NDUFAF7: variants seen among roughly 807,000 people sequenced by gnomAD.
The protein encoded by NDUFAF7 is protein arginine methyltransferase NDUFAF7, mitochondrial.
Under a neutral mutation model 47.2 loss-of-function variants are expected in NDUFAF7, and 48 were observed. The ratio of observed to expected loss-of-function variants is 1.02; its 90% confidence interval spans 0.81 to 1.29. The LOEUF (loss-of-function observed/expected upper bound fraction) is 1.29, where lower values mean the gene tolerates loss of function less well. Ranked by LOEUF, NDUFAF7 falls within the 50% of genes most tolerant of loss-of-function variation. NDUFAF7 has a pLI of 0.00. For missense variants in NDUFAF7, 635 were observed against 537.6 expected, an observed-to-expected ratio of 1.18 and a Z score of -1.79; for synonymous variants, 217 against 190.0, an observed-to-expected ratio of 1.14 and a Z score of -1.17.
chr2:37,246,055 G>T lies in NDUFAF7; in HGVS notation c.796G>T (p.Asp266Tyr). ...ATPAEAFIQH[D>Y]ETRDHVEVCP... is the part of the protein sequence containing the mutation. The stretch of plus-strand genomic sequence containing the variant: ...CTTGCAATGATCCCTTTACTAGCAT[G>T]ACGAAACAAGGGATCATGTTGAAGT... The change falls in exon 8 of 10, where the codon GAC becomes TAC. Residue 266 changes from aspartate (D) to tyrosine (Y), a missense_variant. Asp to Tyr is a radical substitution (Grantham distance 160, BLOSUM62 -3). Transcript: ENST00000002125. 6.2e-7 allele frequency: 1 copy of T among 1,613,748 alleles called. No individual in the cohort carries two copies. The highest frequency in any genetic ancestry group is 1.3e-5 in the African/African-American group (1 of 75,028).
chr2:37,250,416 G>A (rs974253262), downstream of NDUFAF7: 4 of 151,990 alleles, frequency 2.6e-5, no homozygotes, highest in African/African-American at 9.7e-5. Flanking sequence ...AAGCCTTCTG[G>A]TAGTATAACA....
downstream of NDUFAF7, chr2:37,251,586 C>T (rs944032146): frequency 6.6e-6 from 1 of 152,230 alleles, no homozygotes; most frequent in African/African-American, 2.4e-5. Context: ...GTCGAAAGGC[C>T]TTCTCAGTCT....
rs568636731 is a variant in NDUFAF7, at chr2:37,249,158, G to A, written c.*808G>A. On this transcript the variant is annotated 3_prime_UTR_variant, in exon 10 of 10. Transcript: ENST00000002125. ...TAAATACGAGTAATTTCATAGAAAC[G>A]AATACACTAGTGTACACTGGTTGTT... is the stretch of plus-strand genomic sequence containing the variant. 1.3e-5 allele frequency: 2 copies of A among 152,166 alleles called. No individual in the cohort carries two copies. Among genetic ancestry groups the A allele is most frequent in the African/African-American group, 2.4e-5 (1 of 41,418 alleles). 9.4% of individuals were successfully genotyped at this position (152,166 alleles called of 1,614,324 possible).
intron 4 of NDUFAF7, among the ~76,000 whole-genome samples, chr2:37,238,432 A>G (rs1245826187): frequency 6.6e-6 from 1 of 151,664 alleles, no homozygotes; most frequent in African/African-American, 2.4e-5. Flanking sequence ...GCCTGGTGAC[A>G]GAGCGAGACT....
At chr2:37,249,689 A>G (rs1667324348), downstream of NDUFAF7, among the ~76,000 whole-genome samples, 1 of 113,938 alleles carries the variant, frequency 8.8e-6, no homozygotes, top group African/African-American at 3.9e-5. Flanking sequence ...GCCTAGGAGG[A>G]ATAATTTTCA....
At chr2:37,256,627 AATTTTTTTTTTT>A, downstream of NDUFAF7, 1 of 1,247,358 alleles carries the variant, frequency 8.0e-7, no homozygotes, top group Admixed American at 3.3e-5. Flanking sequence ...ACATAGCCAA[AATTTTTTTTTTT>A]TTTTTTTTTT....
the NDUFAF7 span, among the ~76,000 whole-genome samples, chr2:37,264,131 C>T: frequency 6.6e-6 from 1 of 152,156 alleles, no homozygotes; most frequent in Non-Finnish European, 1.5e-5. Context: ...TCCTGCTCTA[C>T]AACATCCTCC....
At chr2:37,237,960 C>A (rs1665965391) in intron 4 of NDUFAF7, 93 bp downstream of exon 4, 7 of 859,968 alleles carry the variant, frequency 8.1e-6, no homozygotes, top group Non-Finnish European at 1.4e-5. Flanking sequence ...GTTTTCAGTT[C>A]CTTAATTTCA....
At chr2:37,238,763 C>T (rs2888434) in intron 4 of NDUFAF7, among the ~76,000 whole-genome samples, 52,360 of 151,822 alleles carry the variant, frequency 0.34, 9,719 homozygotes, top group East Asian at 0.44. Context: ...ATTTGTAACA[C>T]GTAACCAACA....
At chr2:37,257,015 T>C, downstream of NDUFAF7, 2 of 1,369,596 alleles carry the variant, frequency 1.5e-6, no homozygotes, top group Non-Finnish European at 2.0e-6. Flanking sequence ...GTATGTATCA[T>C]TTCAACATAC....
Position 37,248,128 on chromosome 2 carries a change from T to G in NDUFAF7, c.1111-7T>G. 6.2e-7 allele frequency: 1 copy of G among 1,609,314 alleles called. No homozygotes were observed. The highest frequency in any genetic ancestry group is 8.5e-7 in the Non-Finnish European group (1 of 1,176,124). ...GTTATTTTTGCTAAGAATTTTTTTC[T>G]TTTCAGGTTCTTTTAGATAAATCAA... On this transcript the variant is annotated splice_region_variant and splice_polypyrimidine_tract_variant and intron_variant, in intron 9 of 9. Transcript: ENST00000002125.
At chr2:37,242,177 C>G (rs984752730) in intron 5 of NDUFAF7, 24 of 259,370 alleles carry the variant, frequency 9.3e-5, no homozygotes, top group Admixed American at 2.0e-4. Flanking sequence ...TGCCTAAAGA[C>G]AAGCAAGGTG....
At position 37,232,669 on chromosome 2, in the gene NDUFAF7, G is replaced by A. The variant is rs901347957; in HGVS notation, c.216+403G>A. Among the ~76,000 whole-genome samples the A allele has an allele frequency of 3.3e-5, 5 of 152,270 alleles. No individual in the cohort carries two copies. The East Asian group carries it at 7.7e-4, about 24-fold the overall frequency. On this transcript the variant is annotated intron_variant, in intron 2 of 9. Transcript: ENST00000002125. Reference sequence around the variant, plus strand: ...GACTCTTAGGTAGAAATCTCCAACAGGCAGCTGGAAATAGGAATTACTGCC... The same window carrying A: ...GACTCTTAGGTAGAAATCTCCAACAAGCAGCTGGAAATAGGAATTACTGCC...
chr2:37,245,447 G>T (rs1572564544), intron 7 of NDUFAF7, among the ~76,000 whole-genome samples: 1 of 152,202 alleles, frequency 6.6e-6, no homozygotes, highest in African/African-American at 2.4e-5. Flanking sequence ...CACACTTATT[G>T]TGGCCCCTTA....
At chr2:37,256,026 G>C (rs1353677346), downstream of NDUFAF7, among the ~76,000 whole-genome samples, 2 of 152,074 alleles carry the variant, frequency 1.3e-5, no homozygotes, top group African/African-American at 2.4e-5. Flanking sequence ...AATAAAAAAA[G>C]ATAATAAAAA....
chr2:37,241,136 G>A (rs536992072), intron 4 of NDUFAF7, among the ~76,000 whole-genome samples: 38 of 151,964 alleles, frequency 2.5e-4, no homozygotes, highest in Non-Finnish European at 5.0e-4. Context: ...GCAGACCCCC[G>A]AGTTAAGCAG....
At position 37,237,878 on chromosome 2, in the gene NDUFAF7, A is replaced by G. The variant is rs1572540312; in HGVS notation, c.408+11A>G. The G allele has an allele frequency of 1.3e-6, 2 of 1,552,232 alleles. No individual in the cohort carries two copies. The highest frequency in any genetic ancestry group is 1.8e-6 in the Non-Finnish European group (2 of 1,124,094). On this transcript the variant is annotated intron_variant, in intron 4 of 9. Transcript: ENST00000002125. ...GGAGATATTTTGAGGGTAGGTAATA[A>G]AAGAATGTCTTCTAGTCTCATATAA...
In NDUFAF7 at chr2:37,249,003, T is replaced by C. The variant is rs1343899168; in HGVS notation, c.*653T>C. On this transcript the variant is annotated 3_prime_UTR_variant, in exon 10 of 10. Coordinates refer to ENST00000002125, the MANE Select transcript of NDUFAF7 (RefSeq NM_144736.5). Reference sequence around the variant, plus strand: ...ATTCACAGGAAACTGATAAGATATATGTTATTTTTTTAAATGAGCTAGGGC... The same window carrying C: ...ATTCACAGGAAACTGATAAGATATACGTTATTTTTTTAAATGAGCTAGGGC... 6.6e-6 allele frequency: 1 copy of C among 152,644 alleles called. No homozygotes were observed. The highest frequency in any genetic ancestry group is 6.5e-5 in the Admixed American group (1 of 15,356). 9.5% of individuals were successfully genotyped at this position (152,644 alleles called of 1,614,324 possible). A position where few individuals can be genotyped will look rare whatever the true frequency, so the allele number is the denominator to read the frequency against.
chr2:37,253,012 G>C (rs1023715515), downstream of NDUFAF7: 2 of 579,412 alleles, frequency 3.5e-6, no homozygotes, highest in Non-Finnish European at 5.3e-6. Context: ...TCAGTTTCCC[G>C]CCTGTACCTA....
Sources: gnomAD v4.1 joint callset for allele counts (sites outside exome capture counted in the v4.1 genomes callset) on GRCh38, gnomAD v4.1.1 for gene constraint, MANE v1.5 for transcripts, NCBI Gene and HGNC (gene_info 2026-07-23, HGNC 2026-07-21) for gene names.